The following TRPV4 variants were observed in gnomAD, a reference collection of about 807,000 sequenced individuals.
The protein encoded by TRPV4 is OSM9-like transient receptor potential channel 4.
Under a neutral mutation model 84.1 loss-of-function variants are expected in TRPV4, and 58 were observed. The observed-to-expected ratio is 0.69, with a 90% CI of 0.56 to 0.86. The LOEUF is 0.86. Among genes scored for constraint, TRPV4 ranks in the 40% least tolerant of loss-of-function variants. TRPV4 has a pLI of 0.00. For synonymous variants in TRPV4, 489 were observed against 500.9 expected, an observed-to-expected ratio of 0.98 and a Z score of 0.32; for missense variants, 879 against 1,181.1, an observed-to-expected ratio of 0.74 and a Z score of 3.75.
intron 4 of TRPV4, among the ~76,000 whole-genome samples, chr12:109,801,722 T>C (rs1034167067): frequency 9.9e-5 from 15 of 151,986 alleles, no homozygotes; most frequent in Non-Finnish European, 1.9e-4. Flanking sequence ...CCCAGCTACT[T>C]GGGAGGGTGA....
intron 1 of TRPV4, among the ~76,000 whole-genome samples, chr12:109,817,220 G>A (rs111262911): frequency 1.4e-3 from 220 of 152,254 alleles, no homozygotes; most frequent in African/African-American, 5.1e-3. Flanking sequence ...CATCTGCAGG[G>A]GCACAGGCAT....
At chr12:109,794,508 G>C in intron 7 of TRPV4, 21 bp from the exon 8 acceptor site, 3 of 1,613,016 alleles carry the variant, frequency 1.9e-6, no homozygotes, top group South Asian at 2.2e-5. Context: ...CAGGGTGGTC[G>C]GGGGCTGCCT....
At position 109,814,576 on chromosome 12, in the gene TRPV4, G is replaced by C; in HGVS notation, c.221C>G (p.Ala74Gly). The C allele has an allele frequency of 6.2e-7, 1 of 1,614,124 alleles. No homozygotes were observed. The highest frequency in any genetic ancestry group is 8.5e-7 in the Non-Finnish European group (1 of 1,180,008). Residue 74 changes from alanine to glycine, a missense_variant, in exon 2 of 16, where the codon GCC becomes GGC. Physicochemically the swap from Ala to Gly is moderately conservative, Grantham distance 60 (BLOSUM62 0). Around this residue, in one of 4 missense-constraint regions of TRPV4, gnomAD observed 521 missense variants for 686.6 expected, o/e 0.76. Transcript: ENST00000261740. The surrounding 1 kb of genome is among the most constrained non-coding windows in gnomAD (Gnocchi z 5.4). ...GGGGTTGGGCACCCCCTTGCGGAAG[G>C]CGCCCTGGAACTTCATGCGCAGATT... is the stretch of plus-strand genomic sequence containing the variant. Reference protein sequence around the residue: ...RPNLRMKFQGAFRKGVPNPID... With the variant: ...RPNLRMKFQGGFRKGVPNPID...
At chr12:109,792,900 C>T (rs915167470) in intron 10 of TRPV4, 83 bp from the exon 11 acceptor site, 118 of 1,466,516 alleles carry the variant, frequency 8.0e-5, no homozygotes, top group Non-Finnish European at 1.1e-4. Flanking sequence ...GCCTCCAAGC[C>T]CTCCAGGGTA....
chr12:109,817,968 C>T (rs1408761776), intron 1 of TRPV4, among the ~76,000 whole-genome samples: 8 of 152,126 alleles, frequency 5.3e-5, no homozygotes, highest in Admixed American at 4.6e-4. Context: ...AGCGTCGAGA[C>T]TGAGAACATC....
chr12:109,792,293 T>TATAC (rs1339222606), intron 12 of TRPV4, 70 bp downstream of exon 12: 1 of 850,860 alleles, frequency 1.2e-6, no homozygotes, highest in East Asian at 3.1e-5. Context: ...TATTGTCCCC[T>TATAC]ATACATCATG....
chr12:109,803,547 C>A (rs923392379), intron 3 of TRPV4, among the ~76,000 whole-genome samples: 1 of 152,090 alleles, frequency 6.6e-6, no homozygotes, highest in Non-Finnish European at 1.5e-5. Flanking sequence ...GATTCCTGGG[C>A]TCAAGTGATC....
At position 109,814,310 on chromosome 12, in the gene TRPV4, T is replaced by C; in HGVS notation, c.386+101A>G. 1 of 1,347,212 alleles carries C rather than the reference T, an allele frequency of 7.4e-7. No homozygotes were observed. The highest frequency in any genetic ancestry group is 1.3e-5 in the South Asian group (1 of 79,710). 83.5% of individuals were successfully genotyped at this position (1,347,212 alleles called of 1,614,324 possible). A position where few individuals can be genotyped will look rare whatever the true frequency, so the allele number is the denominator to read the frequency against. The stretch of plus-strand genomic sequence containing the variant: ...TTGGATGGACAGATGGATGGATGGA[T>C]GAATCGACGGATGGGTGGATAATAG... On this transcript the variant is annotated intron_variant, in intron 2 of 15. Transcript: ENST00000261740. This position sits in a 1 kb window ranked among gnomAD's most constrained non-coding sequence, Gnocchi z 5.4.
chr12:109,803,205 A>G, intron 3 of TRPV4, 62 bp from the exon 4 acceptor site: 1 of 1,594,266 alleles, frequency 6.3e-7, no homozygotes, highest in African/African-American at 1.3e-5. Flanking sequence ...ACTTCCAGGC[A>G]TCGGGGTACA....
Position 109,793,726 on chromosome 12 carries a change from T to C in TRPV4, c.1585-126A>G. 1.1e-6 allele frequency: 1 copy of C among 907,260 alleles called. No individual in the cohort carries two copies. The highest frequency in any genetic ancestry group is 1.8e-6 in the Non-Finnish European group (1 of 562,410). 56.2% of individuals were successfully genotyped at this position (907,260 alleles called of 1,614,324 possible). A position where few individuals can be genotyped will look rare whatever the true frequency, so the allele number is the denominator to read the frequency against. ...CTGGTACAGAGAAAAGACAAAGGAC[T>C]CTTTCCTGTTAGAAAAGGAGAAAAA... On this transcript the variant is annotated intron_variant, in intron 9 of 15. Transcript: ENST00000261740. This position sits in a 1 kb window ranked among gnomAD's most constrained non-coding sequence, Gnocchi z 4.0.
chr12:109,785,020 A>T (rs969882813), intron 14 of TRPV4, among the ~76,000 whole-genome samples: 1 of 151,650 alleles, frequency 6.6e-6, no homozygotes, highest in Non-Finnish European at 1.5e-5. Context: ...AGCAGAAATT[A>T]TTTTTTTTAA....
At position 109,814,180 on chromosome 12, in the gene TRPV4, G is replaced by C. The variant is rs1450907954; in HGVS notation, c.386+231C>G. Among the ~76,000 whole-genome samples the C allele has an allele frequency of 6.6e-6, 1 of 151,752 alleles. No homozygotes were observed. The highest frequency in any genetic ancestry group is 2.1e-4 in the South Asian group (1 of 4,802). On this transcript the variant is annotated intron_variant, in intron 2 of 15. Transcript: ENST00000261740. This position sits in a 1 kb window ranked among gnomAD's most constrained non-coding sequence, Gnocchi z 5.4. ...TGAATGGATTGATGGATAGATGTGT[G>C]GATGGTTGGATGGATGGACGAATAG...
chr12:109,813,170 G>A (rs1176700329), intron 2 of TRPV4, among the ~76,000 whole-genome samples: 2 of 152,226 alleles, frequency 1.3e-5, no homozygotes, highest in Non-Finnish European at 2.9e-5. Context: ...CCAGCACTTT[G>A]GGAGGCCAAG....
At chr12:109,805,475 G>A (rs1325298752) in intron 3 of TRPV4, among the ~76,000 whole-genome samples, 2 of 152,224 alleles carry the variant, frequency 1.3e-5, no homozygotes, top group African/African-American at 4.8e-5. Context: ...GTGGCGAAGT[G>A]GCTCTGCCCA....
At position 109,786,013 on chromosome 12, in the gene TRPV4, CA is replaced by C. The variant is rs1330271700; in HGVS notation, c.2336+696del. Among the ~76,000 whole-genome samples the C allele has an allele frequency of 3.3e-5, 5 of 152,022 alleles. No homozygotes were observed. In the East Asian group the frequency reaches 9.7e-4, roughly 29 times the overall value. ...GAGCAACCCTGCCTCTAAAAACAAA[CA>C]AAAAATGGAATTGAACTGATCGGAT... On this transcript the variant is annotated intron_variant, in intron 14 of 15. Coordinates refer to ENST00000261740, the MANE Select transcript of TRPV4 (RefSeq NM_021625.5). This position sits in a 1 kb window ranked among gnomAD's most constrained non-coding sequence, Gnocchi z 4.5.
Position 109,814,471 on chromosome 12 carries a change from TCAAA to T in TRPV4, c.322_325del (p.Phe108ThrfsTer20), listed in dbSNP as rs1891732812. 6.2e-7 allele frequency: 1 copy of T among 1,614,116 alleles called. No homozygotes were observed. The highest frequency in any genetic ancestry group is 1.1e-5 in the South Asian group (1 of 91,078). ...GGAGTGGTGACGATAGGTGCCGTAG[TCAAA>T]CAGTGAGTCCATGGGTGCTTTCTTG... On this transcript the variant is annotated frameshift_variant, in exon 2 of 16. Coordinates refer to ENST00000261740, the MANE Select transcript of TRPV4 (RefSeq NM_021625.5). LOFTEE classifies it high-confidence loss of function. The surrounding 1 kb of genome is among the most constrained non-coding windows in gnomAD (Gnocchi z 5.4).
chr12:109,820,579 A>G (rs1892060692), intron 1 of TRPV4, among the ~76,000 whole-genome samples: 1 of 130,378 alleles, frequency 7.7e-6, no homozygotes, highest in African/African-American at 3.0e-5. Context: ...GCTGGAGTGC[A>G]GTGGCGCATC....
At chr12:109,832,347 C>G (rs1565891483) in intron 1 of TRPV4, 4 of 152,466 alleles carry the variant, frequency 2.6e-5, no homozygotes, top group South Asian at 4.1e-4. Flanking sequence ...GCCAAAGTGG[C>G]AAAGCTTAAA....
At chr12:109,802,842 C>T (rs902099077) in intron 4 of TRPV4, 149 bp downstream of exon 4, 2 of 676,218 alleles carry the variant, frequency 3.0e-6, no homozygotes, top group Non-Finnish European at 5.2e-6. Flanking sequence ...ATCCATGCAT[C>T]CATCCATCCA....
Sources: allele counts gnomAD v4.1 joint callset (sites outside exome capture counted in the v4.1 genomes callset), GRCh38; gene constraint gnomAD v4.1.1; regional missense constraint gnomAD v4.1.1; non-coding constraint Gnocchi (gnomAD v3.1); transcripts MANE v1.5; gene names NCBI Gene and HGNC (gene_info 2026-07-23, HGNC 2026-07-21).